Variants in MSANTD5 observed in about 807,000 individuals in gnomAD.
MSANTD5 encodes Myb/SANT DNA binding domain containing 5.
chr5:178,691,715 A>G (rs967247978), downstream of MSANTD5, among the ~76,000 whole-genome samples: 2 of 136,980 alleles, frequency 1.5e-5, no homozygotes, highest in African/African-American at 5.2e-5. Context: ...CAAAAATCCA[A>G]TTAGAAAATG....
the MSANTD5 span, among the ~76,000 whole-genome samples, chr5:178,704,098 A>T: frequency 2.0e-5 from 3 of 152,190 alleles, no homozygotes; most frequent in Admixed American, 6.5e-5. Context: ...ACCCCAAAAA[A>T]TTTTTAAAAG....
downstream of MSANTD5, among the ~76,000 whole-genome samples, chr5:178,693,607 A>G (rs1000148617): frequency 6.6e-6 from 1 of 152,052 alleles, no homozygotes; most frequent in Non-Finnish European, 1.5e-5. Flanking sequence ...CAAAGAAAGA[A>G]CAAACCTCCC....
At chr5:178,696,772 C>T (rs2113853850) in intron 1 of MSANTD5, among the ~76,000 whole-genome samples, 1 of 151,996 alleles carries the variant, frequency 6.6e-6, no homozygotes, top group East Asian at 1.9e-4. Context: ...GTGGCAAGTA[C>T]AGGACACAGA....
upstream of MSANTD5, among the ~76,000 whole-genome samples, chr5:178,698,845 C>G (rs12518753): frequency 0.42 from 62,223 of 149,898 alleles, 13,921 homozygotes; most frequent in Admixed American, 0.52. Flanking sequence ...CCTGCCTCGG[C>G]CTCCCAAAGT....
the MSANTD5 span, among the ~76,000 whole-genome samples, chr5:178,702,744 C>T: frequency 4.6e-5 from 7 of 151,834 alleles, no homozygotes; most frequent in African/African-American, 1.7e-4. Flanking sequence ...ATTACAGGTG[C>T]TTGCGACCAC....
At chr5:178,702,204 G>C (rs1765493929), upstream of MSANTD5, among the ~76,000 whole-genome samples, 1 of 151,918 alleles carries the variant, frequency 6.6e-6, no homozygotes, top group African/African-American at 2.4e-5. Context: ...TAGTGACAAA[G>C]GGAAATCGAT....
chr5:178,704,433 G>T, the MSANTD5 span, among the ~76,000 whole-genome samples: 2 of 152,220 alleles, frequency 1.3e-5, no homozygotes, highest in Non-Finnish European at 2.9e-5. Context: ...GAGCTAGAAG[G>T]CACCTTCTAT....
At chr5:178,697,407 T>A (rs1451686261) in intron 1 of MSANTD5, among the ~76,000 whole-genome samples, 179 bp downstream of exon 1, 1 of 152,100 alleles carries the variant, frequency 6.6e-6, no homozygotes, top group Non-Finnish European at 1.5e-5. Flanking sequence ...TGAGCCGGGA[T>A]CGCGCCCCTG....
the MSANTD5 span, among the ~76,000 whole-genome samples, chr5:178,703,809 C>T: frequency 2.4e-3 from 366 of 151,790 alleles, 1 homozygote; most frequent in African/African-American, 8.1e-3. Flanking sequence ...GGTGAAACCC[C>T]GTCTCTACTA....
chr5:178,701,125 C>T (rs1250880925), upstream of MSANTD5, among the ~76,000 whole-genome samples: 1 of 152,172 alleles, frequency 6.6e-6, no homozygotes, highest in African/African-American at 2.4e-5. Context: ...AGGCGCCCGC[C>T]ACCACGCCCG....
chr5:178,705,993 C>T, the MSANTD5 span, among the ~76,000 whole-genome samples: 1 of 152,090 alleles, frequency 6.6e-6, no homozygotes, highest in Admixed American at 6.5e-5. Flanking sequence ...TTATTTTGCA[C>T]GAATGAACAT....
the MSANTD5 span, among the ~76,000 whole-genome samples, chr5:178,702,819 G>A: frequency 1.0e-3 from 154 of 152,112 alleles, no homozygotes; most frequent in African/African-American, 3.2e-3. Flanking sequence ...GGCTGGTCTC[G>A]AACTCCTGAC....
downstream of MSANTD5, among the ~76,000 whole-genome samples, chr5:178,693,834 G>T (rs1581732252): frequency 6.6e-6 from 1 of 151,952 alleles, no homozygotes; most frequent in Non-Finnish European, 1.5e-5. Flanking sequence ...AGTCAGAAAA[G>T]TTCTCCAAGT....
At chr5:178,699,281 A>C (rs1342134163), upstream of MSANTD5, among the ~76,000 whole-genome samples, 1 of 152,120 alleles carries the variant, frequency 6.6e-6, no homozygotes, top group Non-Finnish European at 1.5e-5. Flanking sequence ...CCTCCCATTC[A>C]ACTCATCTTC....
At chr5:178,702,181 T>C (rs911013892), upstream of MSANTD5, among the ~76,000 whole-genome samples, 2 of 152,138 alleles carry the variant, frequency 1.3e-5, no homozygotes, top group East Asian at 3.9e-4. Flanking sequence ...AAATGGAGTC[T>C]TTTCAGGTTC....
the MSANTD5 span, among the ~76,000 whole-genome samples, chr5:178,703,213 C>G: frequency 6.6e-6 from 1 of 152,226 alleles, no homozygotes; most frequent in Non-Finnish European, 1.5e-5. Context: ...GGCGTGGGCA[C>G]GCTCCCATGG....
upstream of MSANTD5, among the ~76,000 whole-genome samples, chr5:178,701,778 T>C (rs1765487087): frequency 6.7e-6 from 1 of 149,370 alleles, no homozygotes; most frequent in Non-Finnish European, 1.5e-5. Flanking sequence ...GGAGTTTTGC[T>C]CTTTTTGTCC....
upstream of MSANTD5, among the ~76,000 whole-genome samples, chr5:178,698,442 A>T (rs571401110): frequency 1.2e-5 from 1 of 81,234 alleles, no homozygotes; most frequent in South Asian, 5.2e-4. Context: ...AGGATTAGGG[A>T]TGCCCTCAGA....
chr5:178,694,485 GCTCCC>G (rs1177473405), downstream of MSANTD5: 1 of 152,222 alleles, frequency 6.6e-6, no homozygotes, highest in Admixed American at 6.5e-5. Flanking sequence ...GGGGGGCTGA[GCTCCC>G]TCCCTGTCCC....
Sources: allele counts gnomAD v4.1 joint callset (sites outside exome capture counted in the v4.1 genomes callset), GRCh38; gene constraint gnomAD v4.1.1; transcripts MANE v1.5; gene names NCBI Gene and HGNC (gene_info 2026-07-23, HGNC 2026-07-21).